SLC25A24: variants seen among roughly 807,000 people sequenced by gnomAD.
The protein encoded by SLC25A24 is mitochondrial adenyl nucleotide antiporter SLC25A24.
A neutral mutation model predicts 60.7 loss-of-function variants in SLC25A24; 49 were observed. That is an observed-to-expected ratio of 0.81 (90% CI 0.64 to 1.02). The LOEUF is 1.02. Among genes scored for constraint, SLC25A24 ranks in the 50% least tolerant of loss-of-function variants. SLC25A24 has a pLI of 0.00. For missense variants in SLC25A24, 564 were observed against 586.3 expected (o/e 0.96, Z 0.39); for synonymous variants, 202 against 200.6 (o/e 1.01, Z -0.06).
At position 108,161,303 on chromosome 1, in the gene SLC25A24, T is replaced by TA. The variant is rs753369767; in HGVS notation, c.399-11dup. 1.0e-5 allele frequency: 14 copies of TA among 1,396,366 alleles called. No individual in the cohort carries two copies. The highest frequency in any genetic ancestry group is 7.1e-5 in the African/African-American group (5 of 70,172). The allele number at this position is 1,396,366 out of a possible 1,614,324, so 86.5% of individuals were successfully genotyped here. ...CCCATCAACATCAATGCTGAAATTT[T>TA]AAAAAAATGATCAAAGTACAAAACT... On this transcript the variant is annotated splice_polypyrimidine_tract_variant and intron_variant, in intron 3 of 9. Coordinates refer to ENST00000565488, the MANE Select transcript of SLC25A24 (RefSeq NM_013386.5).
intron 1 of SLC25A24, chr1:108,192,812 C>T (rs1558029163): frequency 1.6e-6 from 2 of 1,248,396 alleles, no homozygotes; most frequent in African/African-American, 1.5e-5. Context: ...CTCATCCTAA[C>T]GGCTTCAGCG....
At chr1:108,167,166 G>A (rs1463132800) in intron 3 of SLC25A24, among the ~76,000 whole-genome samples, 30 of 149,828 alleles carry the variant, frequency 2.0e-4, no homozygotes, top group South Asian at 1.9e-3. Flanking sequence ...CTCCAGCTGC[G>A]TGCTGGGAGA....
intron 3 of SLC25A24, among the ~76,000 whole-genome samples, chr1:108,172,154 G>A (rs1647485937): frequency 6.6e-6 from 1 of 152,190 alleles, no homozygotes. Flanking sequence ...AGATAATTAT[G>A]ACATATGTGA....
At position 108,200,302 on chromosome 1, in the gene SLC25A24, G is replaced by A. The variant is rs1648629199; in HGVS notation, c.-164C>T. The A allele has an allele frequency of 1.9e-6, 1 of 518,720 alleles. No individual in the cohort carries two copies. Among genetic ancestry groups the A allele is most frequent in the Non-Finnish European group, 2.9e-6 (1 of 344,896 alleles). 32.1% of individuals were successfully genotyped at this position (518,720 alleles called of 1,614,324 possible). A position where few individuals can be genotyped will look rare whatever the true frequency, so the allele number is the denominator to read the frequency against. On this transcript the variant is annotated 5_prime_UTR_variant, in exon 1 of 10. Coordinates refer to ENST00000565488, the MANE Select transcript of SLC25A24 (RefSeq NM_013386.5). ...TGCGGCGCGCAGGGCGCAGGGCGCA[G>A]GAGCGGAGACCCCACCCGAGCCCGC...
At chr1:108,139,331 G>GTGCCTGCTGCTTCTGC in intron 8 of SLC25A24, 123 bp from the exon 9 acceptor site, 2 of 997,562 alleles carry the variant, frequency 2.0e-6, no homozygotes, top group Non-Finnish European at 2.9e-6. Flanking sequence ...CGCATTTGCA[G>GTGCCTGCTGCTTCTGC]AAGCAGCAGG....
chr1:108,161,760 T>TA lies in SLC25A24; in HGVS notation c.399-468dup, dbSNP rs77256743. 6.0e-4 allele frequency among the ~76,000 whole-genome samples: 91 copies of TA among 152,288 alleles called. 1 individual carries two copies. In the East Asian group the frequency reaches 0.016, roughly 27 times the overall value. Reference sequence around the variant, plus strand: ...AAGTTAGGAAAATTAACAGCTATTATAAAAAATCAAACTGTCAGTGACTGT... The same window carrying TA: ...AAGTTAGGAAAATTAACAGCTATTATAAAAAAATCAAACTGTCAGTGACTGT... On this transcript the variant is annotated intron_variant, in intron 3 of 9. Coordinates refer to ENST00000565488, the MANE Select transcript of SLC25A24 (RefSeq NM_013386.5).
chr1:108,179,378 C>A (rs984549748), intron 3 of SLC25A24, among the ~76,000 whole-genome samples: 2 of 151,926 alleles, frequency 1.3e-5, no homozygotes, highest in Non-Finnish European at 2.9e-5. Flanking sequence ...TCCTGCAATC[C>A]CACCACTGTA....
At position 108,173,202 on chromosome 1, in the gene SLC25A24, AC is replaced by A. The variant is rs144475605; in HGVS notation, c.398+8738del. Reference sequence around the variant, plus strand: ...GATGATATGGTTTGGCTGTGTCCCCACCCAAATCTCATCTTGAGTTGTAGTT... The same window carrying A: ...GATGATATGGTTTGGCTGTGTCCCCACCAAATCTCATCTTGAGTTGTAGTT... On this transcript the variant is annotated intron_variant, in intron 3 of 9. Transcript: ENST00000565488. Among the ~76,000 whole-genome samples, 238 of 152,196 alleles carry A rather than the reference AC, an allele frequency of 1.6e-3. 1 individual carries two copies. The highest frequency in any genetic ancestry group is 5.3e-3 in the African/African-American group (221 of 41,518).
chr1:108,186,509 T>C (rs754247008), intron 1 of SLC25A24, among the ~76,000 whole-genome samples: 1 of 152,010 alleles, frequency 6.6e-6, no homozygotes, highest in Admixed American at 6.6e-5. Context: ...GTGAGCAATA[T>C]TGCACCACTG....
At position 108,199,934 on chromosome 1, in the gene SLC25A24, CGGCGCCCCG is replaced by C; in HGVS notation, c.183+13_183+21del. ...GCCCGCAGCCCTCCCTACGCTCAGGCGGCGCCCCGGCGGCGACCCACCTCCTCGGCGTCC... is the reference window on the plus strand; with the variant it reads ...GCCCGCAGCCCTCCCTACGCTCAGGCGCGGCGACCCACCTCCTCGGCGTCC... On this transcript the variant is annotated intron_variant, in intron 1 of 9. Coordinates refer to ENST00000565488, the MANE Select transcript of SLC25A24 (RefSeq NM_013386.5). 2 of 1,584,700 alleles carry C rather than the reference CGGCGCCCCG, an allele frequency of 1.3e-6. No individual in the cohort carries two copies. Among genetic ancestry groups the C allele is most frequent in the Non-Finnish European group, 1.7e-6 (2 of 1,164,144 alleles).
chr1:108,176,529 G>T (rs1355952702), intron 3 of SLC25A24, among the ~76,000 whole-genome samples: 1 of 152,050 alleles, frequency 6.6e-6, no homozygotes, highest in Non-Finnish European at 1.5e-5. Flanking sequence ...AAAAGTCCAA[G>T]GTCTCTAATC....
chr1:108,177,827 T>C (rs900521933), intron 3 of SLC25A24, among the ~76,000 whole-genome samples: 1 of 152,184 alleles, frequency 6.6e-6, no homozygotes. Context: ...GCTATTGTTT[T>C]TTATAAATAT....
intron 5 of SLC25A24, 97 bp from the exon 6 acceptor site, chr1:108,155,232 T>G: frequency 1.0e-6 from 1 of 993,102 alleles, no homozygotes; most frequent in South Asian, 1.9e-5. Context: ...CCTTTCTAAC[T>G]GCAAGAAGAT....
chr1:108,161,172 G>A lies in SLC25A24; in HGVS notation c.510+10C>T, dbSNP rs1680069098. 6 of 1,355,708 alleles carry A rather than the reference G, an allele frequency of 4.4e-6. No homozygotes were observed. The highest frequency in any genetic ancestry group is 6.3e-6 in the Non-Finnish European group (6 of 946,720). The allele number at this position is 1,355,708 out of a possible 1,614,324, so 84.0% of individuals were successfully genotyped here. A position where few individuals can be genotyped will look rare whatever the true frequency, so the allele number is the denominator to read the frequency against. On this transcript the variant is annotated intron_variant, in intron 4 of 9. Transcript: ENST00000565488. ...CTCCAAATAAGTATAAATACATAAAGTAGACTTACTGTAGAATGTTTCCAG... is the reference window on the plus strand; with the variant it reads ...CTCCAAATAAGTATAAATACATAAAATAGACTTACTGTAGAATGTTTCCAG...
chr1:108,191,386 TC>T (rs1271290603), intron 1 of SLC25A24, among the ~76,000 whole-genome samples: 3 of 140,156 alleles, frequency 2.1e-5, no homozygotes, highest in African/African-American at 7.4e-5. Context: ...TGCCTTGGCC[TC>T]CCAAAGTGCT....
chr1:108,149,129 A>T (rs1239893695), intron 6 of SLC25A24, among the ~76,000 whole-genome samples: 3 of 152,230 alleles, frequency 2.0e-5, no homozygotes, highest in African/African-American at 7.2e-5. Flanking sequence ...CACCAGTGCA[A>T]ATAAAATGAA....
intron 6 of SLC25A24, among the ~76,000 whole-genome samples, chr1:108,151,082 T>C (rs191918806): frequency 2.0e-5 from 3 of 152,130 alleles, no homozygotes; most frequent in African/African-American, 7.2e-5. Flanking sequence ...ACTCCTGTAA[T>C]CCTAACTACT....
intron 3 of SLC25A24, among the ~76,000 whole-genome samples, chr1:108,163,525 G>A (rs1680151178): frequency 6.6e-6 from 1 of 151,790 alleles, no homozygotes; most frequent in Non-Finnish European, 1.5e-5. Context: ...CTTGTAAGTT[G>A]GATTCCTAGG....
intron 3 of SLC25A24, among the ~76,000 whole-genome samples, chr1:108,174,768 T>C (rs1350456378): frequency 6.6e-6 from 1 of 152,162 alleles, no homozygotes; most frequent in Non-Finnish European, 1.5e-5. Context: ...TGCATTAGCA[T>C]GAACTGGATG....
Sources: allele counts gnomAD v4.1 joint callset (sites outside exome capture counted in the v4.1 genomes callset), GRCh38; gene constraint gnomAD v4.1.1; transcripts MANE v1.5; gene names NCBI Gene and HGNC (gene_info 2026-07-23, HGNC 2026-07-21).